The following MAP4K1 variants were observed in gnomAD, a reference collection of about 807,000 sequenced individuals.
MAP4K1 encodes MAPK/ERK kinase kinase kinase 1.
MAP4K1 carries 35 observed loss-of-function variants against 122.8 expected under a neutral mutation model. The observed-to-expected ratio is 0.29, with a 90% CI of 0.22 to 0.38. The LOEUF (loss-of-function observed/expected upper bound fraction) is 0.38, where lower values mean the gene tolerates loss of function less well. MAP4K1 is among the 10% of genes least tolerant of loss of function. MAP4K1 has a pLI of 1.00. For synonymous variants in MAP4K1, 412 were observed against 421.3 expected (o/e 0.98, Z 0.27); for missense variants, 791 against 1,072.6 (o/e 0.74, Z 3.67).
intron 16 of MAP4K1, among the ~76,000 whole-genome samples, chr19:38,606,518 G>A (rs1379607030): frequency 2.6e-5 from 4 of 151,540 alleles, no homozygotes; most frequent in Admixed American, 6.6e-5. Flanking sequence ...TTAGCCAGGC[G>A]TGGCAGGTGC....
chr19:38,595,586 G>GGGAT (rs1454436236), intron 28 of MAP4K1, 31 bp from the exon 29 acceptor site: 1 of 1,613,860 alleles, frequency 6.2e-7, no homozygotes, highest in Non-Finnish European at 8.5e-7. Context: ...GTTACCCTTG[G>GGGAT]GGATCACTTG....
In MAP4K1 at chr19:38,614,289, G is replaced by A; in HGVS notation, c.373C>T (p.Leu125=). ...SYVCREVLQG[L]AYLHSQKKIH... The stretch of plus-strand genomic sequence containing the variant: ...TTCTTCTGTGAGTGCAAATAGGCCA[G>A]TCCCTGGGGAGAAGGGTGGACAAGG... The change falls in exon 6 of 31, where the codon CTG becomes TTG. Residue 125 remains leucine (L), a synonymous_variant. Transcript: ENST00000396857. The A allele has an allele frequency of 2.5e-6, 4 of 1,614,170 alleles. No individual in the cohort carries two copies. Among genetic ancestry groups the A allele is most frequent in the Non-Finnish European group, 3.4e-6 (4 of 1,180,020 alleles).
intron 30 of MAP4K1, 32 bp downstream of exon 30, chr19:38,593,250 C>G (rs1360874130): frequency 1.2e-6 from 2 of 1,601,636 alleles, no homozygotes; most frequent in Non-Finnish European, 8.5e-7. Flanking sequence ...AGCCCCCTCC[C>G]AGGTCCTTCT....
At chr19:38,590,088 C>G (rs62120352) in intron 30 of MAP4K1, among the ~76,000 whole-genome samples, 14,732 of 151,432 alleles carry the variant, frequency 0.097, 744 homozygotes, top group Middle Eastern at 0.16. Context: ...CTGGCTGATT[C>G]TACCTTAACC....
intron 4 of MAP4K1, chr19:38,614,912 G>C (rs1975602867): frequency 8.3e-6 from 1 of 120,754 alleles, no homozygotes; most frequent in Non-Finnish European, 1.6e-5. Context: ...ATAGAAGGAG[G>C]CTCTGTCTCA....
Position 38,617,560 on chromosome 19 carries a change from C to T in MAP4K1, c.157+8G>A, listed in dbSNP as rs1345068593. 2 of 1,613,912 alleles carry T rather than the reference C, an allele frequency of 1.2e-6. No homozygotes were observed. Among genetic ancestry groups the T allele is most frequent in the Non-Finnish European group, 1.7e-6 (2 of 1,179,964 alleles). On this transcript the variant is annotated splice_region_variant and intron_variant, in intron 2 of 30. Transcript: ENST00000396857. The surrounding 1 kb of genome is among the most constrained non-coding windows in gnomAD (Gnocchi z 4.1). The stretch of plus-strand genomic sequence containing the variant: ...ATGTGGGGAAGGAGCTCCATGTTCC[C>T]TCCTCACCAGGCTCCATCTTCACCA...
At chr19:38,611,734 C>T (rs975336445) in intron 9 of MAP4K1, among the ~76,000 whole-genome samples, 2 of 152,100 alleles carry the variant, frequency 1.3e-5, no homozygotes, top group Non-Finnish European at 2.9e-5. Flanking sequence ...GAACTACGAT[C>T]GTGCCGCTGC....
intron 30 of MAP4K1, 140 bp downstream of exon 30, chr19:38,593,142 C>G: frequency 1.4e-6 from 1 of 695,256 alleles, no homozygotes; most frequent in Non-Finnish European, 2.3e-6. Context: ...AGAACAGACT[C>G]TAGGGAGCAG....
At chr19:38,588,210 T>C (rs923471183) in intron 30 of MAP4K1, among the ~76,000 whole-genome samples, 2 of 152,118 alleles carry the variant, frequency 1.3e-5, no homozygotes, top group Non-Finnish European at 2.9e-5. Context: ...GCTGGAGATG[T>C]CATGGCCTTG....
chr19:38,604,814 C>T (rs1269911607), intron 19 of MAP4K1, among the ~76,000 whole-genome samples: 1 of 149,304 alleles, frequency 6.7e-6, no homozygotes, highest in Non-Finnish European at 1.5e-5. Context: ...ATGCCAGACG[C>T]GGTGGCTCAT....
Position 38,595,566 on chromosome 19 carries a change from A to T in MAP4K1, c.2270-11T>A, listed in dbSNP as rs1481864514. On this transcript the variant is annotated splice_polypyrimidine_tract_variant and intron_variant, in intron 28 of 30. Coordinates refer to ENST00000396857, the MANE Select transcript of MAP4K1 (RefSeq NM_001042600.3). ...GACCTCCAACCATAGCTGGGGAGAA[A>T]GCAATGCCCGTTACCCTTGGGGATC... 1 of 1,613,924 alleles carries T rather than the reference A, an allele frequency of 6.2e-7. No homozygotes were observed. Among genetic ancestry groups the T allele is most frequent in the Non-Finnish European group, 8.5e-7 (1 of 1,180,018 alleles).
chr19:38,596,269 G>A (rs746992087), intron 26 of MAP4K1, 43 bp downstream of exon 26: 8 of 1,501,004 alleles, frequency 5.3e-6, no homozygotes, highest in Non-Finnish European at 7.1e-6. Flanking sequence ...CGCCCCTCCG[G>A]ATCTGATAAG....
chr19:38,616,531 A>G (rs1032692831), intron 3 of MAP4K1, among the ~76,000 whole-genome samples: 2 of 152,138 alleles, frequency 1.3e-5, no homozygotes, highest in South Asian at 2.1e-4. Context: ...TCCCACGCCA[A>G]CCTAGGAGGC....
chr19:38,606,615 T>C (rs1308805940), intron 16 of MAP4K1, among the ~76,000 whole-genome samples: 1 of 152,220 alleles, frequency 6.6e-6, no homozygotes, highest in Non-Finnish European at 1.5e-5. Flanking sequence ...ATCATTGCAC[T>C]CCTGCACTTA....
chr19:38,603,083 CAT>C (rs1491206547), intron 19 of MAP4K1, among the ~76,000 whole-genome samples: 5 of 123,794 alleles, frequency 4.0e-5, no homozygotes, highest in Admixed American at 8.4e-5. Context: ...CATATATACA[CAT>C]GTACATATAT....
chr19:38,589,307 C>G (rs1193471060), intron 30 of MAP4K1: 1 of 268,568 alleles, frequency 3.7e-6, no homozygotes, highest in Non-Finnish European at 7.6e-6. Context: ...TGACTCAAAA[C>G]AACAACAAAA....
chr19:38,596,145 C>T (rs1974870029), intron 26 of MAP4K1, 144 bp from the exon 27 acceptor site: 20 of 1,272,360 alleles, frequency 1.6e-5, no homozygotes, highest in Non-Finnish European at 2.2e-5. Context: ...CCCGGTCCCA[C>T]CCCATCATCA....
rs1974878919 is a variant in MAP4K1 at position 38,596,325 on chromosome 19, G to A, written c.2103C>T (p.Gly701=). The change falls in exon 26 of 31, where the codon GGC becomes GGT. Residue 701 remains glycine, a synonymous_variant. Transcript: ENST00000396857. ...CGCCCCACTCACCGGTGCTCATCTC[G>A]CCCAGCCAGCAAGAGAGCGCGCCAA... ...VRFGALSCWL[G]EMSTEHRGPV... is the part of the protein sequence containing the mutation. The A allele has an allele frequency of 1.3e-6, 2 of 1,586,630 alleles. No individual in the cohort carries two copies.
Position 38,617,231 on chromosome 19 carries a change from A to T in MAP4K1, c.248+123T>A. On this transcript the variant is annotated intron_variant, in intron 3 of 30. Transcript: ENST00000396857. This position sits in a 1 kb window ranked among gnomAD's most constrained non-coding sequence, Gnocchi z 4.1. ...CTGCACTCCAGCCTGGCAACAGAACAAGACTCCATCTCAAAAAAGAAAAAG... is the reference window on the plus strand; with the variant it reads ...CTGCACTCCAGCCTGGCAACAGAACTAGACTCCATCTCAAAAAAGAAAAAG... The T allele has an allele frequency of 2.8e-6, 2 of 703,064 alleles. No individual in the cohort carries two copies. Among genetic ancestry groups the T allele is most frequent in the South Asian group, 1.7e-5 (1 of 60,502 alleles). 43.6% of individuals were successfully genotyped at this position (703,064 alleles called of 1,614,324 possible). A position where few individuals can be genotyped will look rare whatever the true frequency, so the allele number is the denominator to read the frequency against.
Sources: gnomAD v4.1 joint callset for allele counts (sites outside exome capture counted in the v4.1 genomes callset) on GRCh38, gnomAD v4.1.1 for gene constraint, Gnocchi (gnomAD v3.1) non-coding constraint, MANE v1.5 for transcripts, NCBI Gene and HGNC (gene_info 2026-07-23, HGNC 2026-07-21) for gene names.